The following RBKS variants were observed in gnomAD, a reference collection of about 807,000 sequenced individuals.
The protein encoded by RBKS is ribokinase.
RBKS carries 33 observed loss-of-function variants against 33.9 expected under a neutral mutation model. That is an observed-to-expected ratio of 0.97 (90% confidence interval 0.74 to 1.30). The LOEUF is 1.30. Among genes scored for constraint, RBKS ranks in the 50% most tolerant of loss-of-function variants. The pLI is 0.00. For synonymous variants in RBKS, 125 were observed against 143.0 expected (o/e 0.87, Z 0.90); for missense variants, 361 against 392.6 (o/e 0.92, Z 0.68).
At chr2:27,782,364 A>T (rs961035702) in intron 7 of RBKS, among the ~76,000 whole-genome samples, 3 of 146,992 alleles carry the variant, frequency 2.0e-5, no homozygotes, top group Non-Finnish European at 3.0e-5. Flanking sequence ...AATTTTAATT[A>T]AAAAAAAAAG....
chr2:27,781,625 G>GT lies in RBKS; in HGVS notation c.958dup (p.Thr320AsnfsTer27). ...TGGGACTAATAGCAATCAAAACAGA[G>GT]TAAGCGGAAGGTCTTTTTTGTAAGG... On this transcript the variant is annotated frameshift_variant, in exon 8 of 8. Transcript: ENST00000302188. LOFTEE classifies it high-confidence loss of function. The GT allele has an allele frequency of 3.1e-6, 5 of 1,610,536 alleles. No individual in the cohort carries two copies.
intron 7 of RBKS, among the ~76,000 whole-genome samples, chr2:27,809,428 A>G (rs1358302880): frequency 1.6e-4 from 25 of 152,240 alleles, no homozygotes; most frequent in Admixed American, 1.6e-3. Context: ...ATGAAAGAGA[A>G]GTGGAATCCT....
At chr2:27,831,430 G>T (rs1032813049) in intron 6 of RBKS, among the ~76,000 whole-genome samples, 2 of 152,114 alleles carry the variant, frequency 1.3e-5, no homozygotes, top group Non-Finnish European at 1.5e-5. Context: ...GCAGTTGAGG[G>T]TACTCTAACC....
At chr2:27,848,567 T>A (rs1663669915) in intron 2 of RBKS, among the ~76,000 whole-genome samples, 1 of 152,194 alleles carries the variant, frequency 6.6e-6, no homozygotes, top group Non-Finnish European at 1.5e-5. Flanking sequence ...CTTGGGTAAC[T>A]TGGTATAATG....
chr2:27,876,463 T>C (rs1356795847), intron 1 of RBKS, among the ~76,000 whole-genome samples: 2 of 152,196 alleles, frequency 1.3e-5, no homozygotes, highest in Admixed American at 6.5e-5. Context: ...TCTGTGCATT[T>C]TTTCTTTATG....
At chr2:27,820,963 C>T (rs201195448) in intron 7 of RBKS, among the ~76,000 whole-genome samples, 45 of 142,068 alleles carry the variant, frequency 3.2e-4, no homozygotes, top group African/African-American at 1.1e-3. Context: ...TCGCTTGAAC[C>T]GGGGAGGCAG....
intron 5 of RBKS, among the ~76,000 whole-genome samples, chr2:27,840,327 TACACACAC>T (rs544313433): frequency 5.1e-5 from 6 of 117,810 alleles, no homozygotes; most frequent in South Asian, 6.3e-4. Context: ...GATGATGCAT[TACACACAC>T]ACACACACAC....
At chr2:27,887,554 G>A (rs988937915) in intron 1 of RBKS, among the ~76,000 whole-genome samples, 17 of 152,146 alleles carry the variant, frequency 1.1e-4, no homozygotes, top group African/African-American at 3.6e-4. Flanking sequence ...GCAGATTTTT[G>A]TAAAGATCTT....
intron 7 of RBKS, among the ~76,000 whole-genome samples, chr2:27,821,341 C>G (rs1678202065): frequency 6.6e-6 from 1 of 151,832 alleles, no homozygotes; most frequent in Non-Finnish European, 1.5e-5. Context: ...TAGGGAAATA[C>G]TTGATTTTTT....
chr2:27,867,230 G>C (rs775287584), intron 1 of RBKS, among the ~76,000 whole-genome samples: 9 of 152,054 alleles, frequency 5.9e-5, no homozygotes, highest in African/African-American at 9.7e-5. Context: ...CATGTCTAGT[G>C]ATCTCTGGAT....
intron 7 of RBKS, among the ~76,000 whole-genome samples, chr2:27,794,727 A>G (rs1019028108): frequency 2.0e-5 from 3 of 151,002 alleles, no homozygotes; most frequent in Non-Finnish European, 4.4e-5. Context: ...GGGTTCAAGC[A>G]ATTCTCCTGC....
At chr2:27,840,515 TTGTGTGCATG>T in intron 5 of RBKS, among the ~76,000 whole-genome samples, 1 of 151,954 alleles carries the variant, frequency 6.6e-6, no homozygotes, top group East Asian at 1.9e-4. Context: ...GTGTGTGTGC[TTGTGTGCATG>T]TGTGTTCGTG....
chr2:27,871,937 G>A (rs6705520), intron 1 of RBKS, among the ~76,000 whole-genome samples: 12,632 of 152,254 alleles, frequency 0.083, 825 homozygotes, highest in African/African-American at 0.17. Flanking sequence ...ATCATCAGGC[G>A]TTAGATTCTC....
chr2:27,884,202 T>C (rs1457808183), intron 1 of RBKS, among the ~76,000 whole-genome samples: 1 of 152,196 alleles, frequency 6.6e-6, no homozygotes, highest in Non-Finnish European at 1.5e-5. Context: ...TACAAAGTAC[T>C]CTATTATGTC....
intron 7 of RBKS, among the ~76,000 whole-genome samples, chr2:27,793,968 T>C (rs1221241493): frequency 6.6e-6 from 1 of 152,180 alleles, no homozygotes; most frequent in Non-Finnish European, 1.5e-5. Flanking sequence ...GCAAATTTTC[T>C]GTAAGTTTTA....
intron 7 of RBKS, among the ~76,000 whole-genome samples, chr2:27,787,411 C>T (rs904606726): frequency 9.2e-5 from 14 of 152,022 alleles, no homozygotes; most frequent in Non-Finnish European, 1.5e-4. Flanking sequence ...CCAGCCTGGG[C>T]GAAAGAGTGA....
At chr2:27,816,852 C>T (rs902628930) in intron 7 of RBKS, among the ~76,000 whole-genome samples, 1 of 152,218 alleles carries the variant, frequency 6.6e-6, no homozygotes, top group Non-Finnish European at 1.5e-5. Flanking sequence ...CCGCCTTGGC[C>T]TCCCAAAGTG....
chr2:27,837,181 G>A lies in RBKS; in HGVS notation c.515-4404C>T, dbSNP rs1257952768. ...CCCAGCTACTCGGGAGGCTGAGGCA[G>A]GAGAATGGCGTGAATCTGGGAGGTG... On this transcript the variant is annotated intron_variant, in intron 5 of 7. Transcript: ENST00000302188. The surrounding 1 kb of genome is among the most constrained non-coding windows in gnomAD (Gnocchi z 4.0). Among the ~76,000 whole-genome samples the A allele has an allele frequency of 6.6e-6, 1 of 152,098 alleles. No individual in the cohort carries two copies. Among genetic ancestry groups the A allele is most frequent in the Non-Finnish European group, 1.5e-5 (1 of 68,042 alleles).
chr2:27,790,820 G>T (rs1677507523), intron 7 of RBKS, among the ~76,000 whole-genome samples: 1 of 152,186 alleles, frequency 6.6e-6, no homozygotes, highest in Non-Finnish European at 1.5e-5. Flanking sequence ...TTCATTGCTT[G>T]TGGGAATGCA....
Sources: allele counts gnomAD v4.1 joint callset (sites outside exome capture counted in the v4.1 genomes callset), GRCh38; gene constraint gnomAD v4.1.1; non-coding constraint Gnocchi (gnomAD v3.1); transcripts MANE v1.5; gene names NCBI Gene and HGNC (gene_info 2026-07-23, HGNC 2026-07-21).